RBFOX2: variants seen among roughly 807,000 people sequenced by gnomAD.
The protein encoded by RBFOX2 is RNA binding fox-1 homolog 2, also known as RNA binding protein fox-1 homolog 2.
In RBFOX2, 10 loss-of-function variants were observed where a neutral mutation model predicts 49.1. The observed-to-expected ratio is 0.20, with a 90% CI of 0.13 to 0.35. RBFOX2 has a LOEUF of 0.35. Among genes scored for constraint, RBFOX2 ranks in the 10% least tolerant of loss-of-function variants. The pLI is 1.00. For synonymous variants in RBFOX2, 183 were observed against 187.4 expected, an observed-to-expected ratio of 0.98 and a Z score of 0.19; for missense variants, 323 against 486.9, an observed-to-expected ratio of 0.66 and a Z score of 3.17.
chr22:36,000,606 G>T (rs1201529846), intron 1 of RBFOX2: 1 of 152,116 alleles, frequency 6.6e-6, no homozygotes, highest in African/African-American at 2.4e-5. Context: ...GAAAAAAAAA[G>T]AGAGACGAAG....
chr22:35,876,151 A>C (rs963478666), intron 1 of RBFOX2, among the ~76,000 whole-genome samples: 1 of 152,248 alleles, frequency 6.6e-6, no homozygotes, highest in Non-Finnish European at 1.5e-5. Context: ...AACGGGCTAA[A>C]TATGTACTAG....
At chr22:35,825,275 AG>A (rs1284118680) in intron 1 of RBFOX2, among the ~76,000 whole-genome samples, 1 of 152,216 alleles carries the variant, frequency 6.6e-6, no homozygotes, top group Non-Finnish European at 1.5e-5. Context: ...TGCTTACCCC[AG>A]AGGAACCAAA....
chr22:35,744,086 TG>T (rs374794528), exon 12 of RBFOX2: 16 of 823,444 alleles, frequency 1.9e-5, no homozygotes, highest in South Asian at 1.2e-4. Context: ...TGTTTTTTTT[TG>T]TTTGTTTGTT....
intron 1 of RBFOX2, chr22:35,996,996 C>A (rs545966804): frequency 1.3e-5 from 2 of 152,174 alleles, no homozygotes; most frequent in Non-Finnish European, 2.9e-5. Context: ...GAGCAGGTAC[C>A]TTTCCTAAGA....
chr22:35,745,686 G>A (rs538414506), intron 11 of RBFOX2, among the ~76,000 whole-genome samples: 2 of 152,168 alleles, frequency 1.3e-5, no homozygotes, highest in Non-Finnish European at 2.9e-5. Context: ...GCCACTACTC[G>A]GGGCATATTA....
intron 1 of RBFOX2, among the ~76,000 whole-genome samples, chr22:35,917,872 G>A (rs529930655): frequency 3.5e-4 from 54 of 152,304 alleles, no homozygotes; most frequent in African/African-American, 1.2e-3. Flanking sequence ...GACAGTACAT[G>A]TTCTTCAGGA....
rs556785822 is a variant in RBFOX2, at chr22:35,805,244, C to T, written c.252+4536G>A. Among the ~76,000 whole-genome samples, 56 of 144,712 alleles carry T rather than the reference C, an allele frequency of 3.9e-4. No homozygotes were observed. The East Asian group carries it at 0.01, about 27-fold the overall frequency. 94.9% of individuals were successfully genotyped at this position (144,712 alleles called of 152,430 possible). Reference sequence around the variant, plus strand: ...GGCGGAGCTTGCAGTGAGCCGAGATCGCGCCACTGCACTCCAGCCTGGGCG... The same window carrying T: ...GGCGGAGCTTGCAGTGAGCCGAGATTGCGCCACTGCACTCCAGCCTGGGCG... On this transcript the variant is annotated intron_variant, in intron 2 of 11. Coordinates refer to ENST00000405409, the Ensembl canonical transcript of RBFOX2.
upstream of RBFOX2, among the ~76,000 whole-genome samples, chr22:35,963,059 CAAAAAAA>C (rs34027896): frequency 2.1e-4 from 7 of 33,600 alleles, no homozygotes; most frequent in East Asian, 9.9e-4. Context: ...AACTCTCCAG[CAAAAAAA>C]AAAAAAAAAA....
intron 1 of RBFOX2, among the ~76,000 whole-genome samples, chr22:35,905,315 G>A (rs2049007603): frequency 6.6e-6 from 1 of 152,104 alleles, no homozygotes; most frequent in African/African-American, 2.4e-5. Context: ...ATAGATAGAT[G>A]ATATATGTCA....
chr22:35,948,099 AATTAGATAC>A (rs2054515004), intron 1 of RBFOX2, among the ~76,000 whole-genome samples: 1 of 152,222 alleles, frequency 6.6e-6, no homozygotes, highest in African/African-American at 2.4e-5. Context: ...TGTTTAGATA[AATTAGATAC>A]ATTAGATACA....
intron 1 of RBFOX2, among the ~76,000 whole-genome samples, chr22:35,974,103 C>T (rs949696054): frequency 1.3e-5 from 2 of 152,166 alleles, no homozygotes; most frequent in African/African-American, 2.4e-5. Context: ...GAGAACTTGG[C>T]AGCTCGGCTG....
rs114681383 is a variant in RBFOX2, at chr22:35,746,056, G to A, written c.977-61C>T. 7.8e-3 allele frequency: 11,047 copies of A among 1,421,514 alleles called. 718 individuals are homozygous for A. In the African/African-American group the frequency reaches 0.14, roughly 18 times the overall value. 88.1% of individuals were successfully genotyped at this position (1,421,514 alleles called of 1,614,324 possible). On this transcript the variant is annotated intron_variant, in intron 10 of 11. Coordinates refer to ENST00000405409, the Ensembl canonical transcript of RBFOX2. Reference sequence around the variant, plus strand: ...AAGTGTATGATCTAAAAAAATTAAAGGGATTACTGTGCTTTAAGACTTGTG... The same window carrying A: ...AAGTGTATGATCTAAAAAAATTAAAAGGATTACTGTGCTTTAAGACTTGTG...
At chr22:36,028,152 G>A (rs2059521576) in intron 1 of RBFOX2, 88 bp downstream of exon 1, 1 of 1,331,846 alleles carries the variant, frequency 7.5e-7, no homozygotes, top group South Asian at 1.8e-5. Flanking sequence ...GACTCCCGGA[G>A]GCCCTCCCTC....
intron 1 of RBFOX2, among the ~76,000 whole-genome samples, chr22:35,972,428 C>A (rs116824688): frequency 1.4e-5 from 2 of 142,200 alleles, no homozygotes; most frequent in Non-Finnish European, 1.5e-5. Flanking sequence ...TTTACTAATG[C>A]TTCCTCAAAA....
At position 35,820,840 on chromosome 22, in the gene RBFOX2, A is replaced by G. The variant is rs550027847; in HGVS notation, c.28-10836T>C. 8.5e-5 allele frequency among the ~76,000 whole-genome samples: 13 copies of G among 152,362 alleles called. No individual in the cohort carries two copies. The South Asian group carries it at 2.5e-3, about 29-fold the overall frequency. On this transcript the variant is annotated intron_variant, in intron 1 of 11. Transcript: ENST00000405409. ...ACAAAGGTGATATGAGGTAGGGAAG[A>G]CAAGGAGATTCATTAGAAGGATACC...
upstream of RBFOX2, among the ~76,000 whole-genome samples, chr22:35,964,897 G>A (rs2056468459): frequency 1.3e-5 from 2 of 152,148 alleles, no homozygotes; most frequent in Admixed American, 6.5e-5. Flanking sequence ...TGTATCTACT[G>A]ATGTCAAATA....
chr22:35,914,818 A>T (rs879496096), intron 1 of RBFOX2, among the ~76,000 whole-genome samples: 8 of 152,158 alleles, frequency 5.3e-5, no homozygotes, highest in South Asian at 2.1e-4. Context: ...TTTTCAACTA[A>T]ATCTGTGAAA....
chr22:35,956,141 T>C (rs987928755), intron 1 of RBFOX2, among the ~76,000 whole-genome samples: 1 of 152,210 alleles, frequency 6.6e-6, no homozygotes, highest in South Asian at 2.1e-4. Flanking sequence ...CACTAAGTTA[T>C]AAAGATCTTC....
chr22:35,839,344 A>G lies in RBFOX2; in HGVS notation c.27+848T>C, dbSNP rs142972294. 1.9e-4 allele frequency among the ~76,000 whole-genome samples: 29 copies of G among 151,400 alleles called. 1 individual carries two copies. In the East Asian group the frequency reaches 5.3e-3, roughly 28 times the overall value. On this transcript the variant is annotated intron_variant, in intron 1 of 11. Transcript: ENST00000405409. ...TGTCAGGAATGACTTGCTAAAATGC[A>G]GATTAGATATTGCCTGGCATAACCA...
Sources: allele counts gnomAD v4.1 joint callset (sites outside exome capture counted in the v4.1 genomes callset), GRCh38; gene constraint gnomAD v4.1.1; transcripts MANE v1.5; gene names NCBI Gene and HGNC (gene_info 2026-07-23, HGNC 2026-07-21).